USH2A: variants seen among roughly 807,000 people sequenced by gnomAD.
USH2A encodes Usher syndrome 2A (autosomal recessive, mild).
Under a neutral mutation model 538.9 loss-of-function variants are expected in USH2A, and 443 were observed. The ratio of observed to expected loss-of-function variants is 0.82; its 90% CI spans 0.76 to 0.89. The LOEUF (loss-of-function observed/expected upper bound fraction) is 0.89. Among genes scored for constraint, USH2A ranks in the 40% least tolerant of loss-of-function variants. USH2A has a pLI of 0.00. For synonymous variants in USH2A, 2,413 were observed against 2,273.5 expected (o/e 1.06, Z -1.75); for missense variants, 6,633 against 6,324.8 (o/e 1.05, Z -1.65).
intron 21 of USH2A, among the ~76,000 whole-genome samples, chr1:216,149,447 G>A (rs1036523938): frequency 3.9e-5 from 6 of 152,128 alleles, no homozygotes; most frequent in Admixed American, 1.3e-4. Flanking sequence ...AGGAAAGGTA[G>A]AACGGACTAA....
intron 13 of USH2A, among the ~76,000 whole-genome samples, chr1:216,232,619 C>T (rs1242987033): frequency 6.6e-6 from 1 of 152,136 alleles, no homozygotes; most frequent in Non-Finnish European, 1.5e-5. Flanking sequence ...TCAAATTAAA[C>T]TAATTCTGTA....
intron 16 of USH2A, among the ~76,000 whole-genome samples, chr1:216,203,358 C>T (rs2035040641): frequency 6.6e-6 from 1 of 151,830 alleles, no homozygotes; most frequent in African/African-American, 2.4e-5. Flanking sequence ...AGATTAACAA[C>T]AATAACTGAA....
intron 21 of USH2A, among the ~76,000 whole-genome samples, chr1:216,173,090 A>G (rs2034302648): frequency 6.6e-6 from 1 of 152,164 alleles, no homozygotes; most frequent in African/African-American, 2.4e-5. Context: ...AAATAGGATA[A>G]TATATCAGTA....
chr1:216,422,461 A>G lies in USH2A; in HGVS notation c.-125T>C. On this transcript the variant is annotated 5_prime_UTR_variant, in exon 2 of 72. Transcript: ENST00000307340. Reference sequence around the variant, plus strand: ...GATGTTGCGATACTCCATTTTCTGGAAACTGCAGACACGTTCTCAGAGTAA... The same window carrying G: ...GATGTTGCGATACTCCATTTTCTGGGAACTGCAGACACGTTCTCAGAGTAA... 2 of 1,406,990 alleles carry G rather than the reference A, an allele frequency of 1.4e-6. No individual in the cohort carries two copies. The highest frequency in any genetic ancestry group is 1.8e-4 in the Middle Eastern group (1 of 5,666). The allele number at this position is 1,406,990 out of a possible 1,614,324, so 87.2% of individuals were successfully genotyped here.
intron 4 of USH2A, among the ~76,000 whole-genome samples, chr1:216,331,380 T>C (rs557502653): frequency 6.6e-6 from 1 of 152,198 alleles, no homozygotes; most frequent in South Asian, 2.1e-4. Context: ...AAGAAAGACC[T>C]CATAGCTGTC....
chr1:216,231,868 A>T, intron 14 of USH2A, 85 bp downstream of exon 14: 1 of 1,547,362 alleles, frequency 6.5e-7, no homozygotes, highest in Non-Finnish European at 8.9e-7. Flanking sequence ...AATACTTTTT[A>T]CAGAAGTTAT....
intron 47 of USH2A, among the ~76,000 whole-genome samples, chr1:215,818,540 GA>G (rs1204719651): frequency 6.6e-6 from 1 of 151,670 alleles, no homozygotes. Flanking sequence ...TTAAAAAATT[GA>G]GTGATAATTT....
intron 38 of USH2A, among the ~76,000 whole-genome samples, chr1:215,909,003 A>G (rs1665707362): frequency 6.7e-6 from 1 of 149,290 alleles, no homozygotes; most frequent in African/African-American, 2.4e-5. Context: ...TAATAATAAT[A>G]CAAGTATATC....
At position 215,741,422 on chromosome 1, in the gene USH2A, C is replaced by T. The variant is rs779930040; in HGVS notation, c.11664G>A (p.Met3888Ile). 5.0e-6 allele frequency: 8 copies of T among 1,613,784 alleles called. No homozygotes were observed. The highest frequency in any genetic ancestry group is 1.1e-5 in the South Asian group (1 of 91,072). Residue 3888 changes from methionine to isoleucine, a missense_variant, in exon 60 of 72, where the codon ATG becomes ATA. Met to Ile is a conservative substitution (Grantham distance 10). Coordinates refer to ENST00000307340, the MANE Select transcript of USH2A (RefSeq NM_206933.4). ...LGSACIEIKWMPPEKPNGIII... is the reference protein window; with the variant it reads ...LGSACIEIKWIPPEKPNGIII... ...TGATTCCATTTGGTTTTTCAGGTGG[C>T]ATCCACTTAATCTCTATGCAAGCTG...
intron 4 of USH2A, among the ~76,000 whole-genome samples, chr1:216,358,943 T>A (rs1231859802): frequency 6.6e-6 from 1 of 152,144 alleles, no homozygotes; most frequent in Non-Finnish European, 1.5e-5. Flanking sequence ...CATAGGGGAC[T>A]AATTTATGGC....
At chr1:215,703,176 C>T (rs980460761) in intron 61 of USH2A, among the ~76,000 whole-genome samples, 6 of 152,176 alleles carry the variant, frequency 3.9e-5, no homozygotes, top group Non-Finnish European at 8.8e-5. Context: ...CCTGCTCCTT[C>T]CTCTGGAAGC....
At chr1:216,263,213 A>T (rs2036409265) in intron 11 of USH2A, among the ~76,000 whole-genome samples, 1 of 152,130 alleles carries the variant, frequency 6.6e-6, no homozygotes, top group South Asian at 2.1e-4. Context: ...AAGAACTAAT[A>T]CCATTTTTTC....
chr1:216,377,751 G>GAAAGAAAGAAAGAGAAGGAAAGAAATAA (rs200009958), intron 3 of USH2A, among the ~76,000 whole-genome samples: 1 of 134,278 alleles, frequency 7.4e-6, no homozygotes, highest in African/African-American at 2.8e-5. Flanking sequence ...AAAAAAAAAA[G>GAAAGAAAGAAAGAGAAGGAAAGAAATAA]AAAGAAAGAA....
At chr1:216,045,047 C>A (rs2030453601) in intron 32 of USH2A, among the ~76,000 whole-genome samples, 1 of 152,114 alleles carries the variant, frequency 6.6e-6, no homozygotes, top group African/African-American at 2.4e-5. Context: ...GCTGTGAGCA[C>A]CAAGAGAAGA....
chr1:215,641,348 T>G (rs2797224), intron 67 of USH2A, among the ~76,000 whole-genome samples: 1 of 152,036 alleles, frequency 6.6e-6, no homozygotes, highest in Admixed American at 6.6e-5. Context: ...AGTATAATAA[T>G]TCATGGCCCT....
At chr1:216,270,048 T>C (rs534363262) in intron 11 of USH2A, among the ~76,000 whole-genome samples, 2 of 152,272 alleles carry the variant, frequency 1.3e-5, no homozygotes, top group East Asian at 3.9e-4. Context: ...GATTTCAAGA[T>C]GAATAAATTA....
At chr1:216,107,091 T>A (rs1373631406) in intron 21 of USH2A, among the ~76,000 whole-genome samples, 3 of 151,914 alleles carry the variant, frequency 2.0e-5, no homozygotes, top group African/African-American at 7.2e-5. Context: ...CCATGTACAT[T>A]TGAAAAACAA....
At chr1:216,402,167 A>C (rs973787452) in intron 3 of USH2A, among the ~76,000 whole-genome samples, 10 of 152,272 alleles carry the variant, frequency 6.6e-5, no homozygotes, top group Admixed American at 5.9e-4. Context: ...CCTGTTAAAA[A>C]ATCCTGAACA....
chr1:216,365,603 CA>C (rs1273064724), intron 3 of USH2A, among the ~76,000 whole-genome samples: 1 of 152,026 alleles, frequency 6.6e-6, no homozygotes. Flanking sequence ...TGTAGGGTAA[CA>C]AAAAGTTGCC....
Sources: allele counts gnomAD v4.1 joint callset (sites outside exome capture counted in the v4.1 genomes callset), GRCh38; gene constraint gnomAD v4.1.1; transcripts MANE v1.5; gene names NCBI Gene and HGNC (gene_info 2026-07-23, HGNC 2026-07-21).